Variants in MFSD2A observed in about 807,000 individuals in gnomAD.
MFSD2A encodes the protein sodium-dependent lysophosphatidylcholine symporter 1.
In MFSD2A, 27 loss-of-function variants were observed where a neutral mutation model predicts 64.7. The ratio of observed to expected loss-of-function variants is 0.42; its 90% CI spans 0.31 to 0.58. The LOEUF is 0.58. MFSD2A is among the 20% of genes least tolerant of loss of function. The probability of loss-of-function intolerance (pLI) is 0.18; values close to 1 mark genes in which losing one functional copy is unlikely to be tolerated. For synonymous variants in MFSD2A, 258 were observed against 273.4 expected, an observed-to-expected ratio of 0.94 and a Z score of 0.55; for missense variants, 474 against 679.5, an observed-to-expected ratio of 0.70 and a Z score of 3.36.
Position 39,965,632 on chromosome 1 carries a change from C to A in MFSD2A, c.556+83C>A. ...TCCCTTGCGGGTCCAGCTCTTTGCT[C>A]TGCTCTAGAGTGTGGGTGTGAAACC... On this transcript the variant is annotated intron_variant, in intron 5 of 13. Transcript: ENST00000372811. The surrounding 1 kb of genome is among the most constrained non-coding windows in gnomAD (Gnocchi z 5.5). The A allele has an allele frequency of 6.9e-7, 1 of 1,441,950 alleles. No individual in the cohort carries two copies. Among genetic ancestry groups the A allele is most frequent in the South Asian group, 1.2e-5 (1 of 86,598 alleles). The allele number at this position is 1,441,950 out of a possible 1,614,324, so 89.3% of individuals were successfully genotyped here. A position where few individuals can be genotyped will look rare whatever the true frequency, so the allele number is the denominator to read the frequency against.
At position 39,965,541 on chromosome 1, in the gene MFSD2A, C is replaced by A; in HGVS notation, c.548C>A (p.Thr183Asn). Residue 183 changes from threonine to asparagine, a missense_variant, in exon 5 of 14, where the codon ACC becomes AAC. Coordinates refer to ENST00000372811, the MANE Select transcript of MFSD2A (RefSeq NM_032793.5). The surrounding 1 kb of genome is among the most constrained non-coding windows in gnomAD (Gnocchi z 5.5). ...STEQTERDSA[T>N]AYRMTVEVLG... ...GAGCAGACTGAGCGGGATTCTGCCACCGCCTATCGTGAGTCTCCCCAGCCC... is the reference window on the plus strand; with the variant it reads ...GAGCAGACTGAGCGGGATTCTGCCAACGCCTATCGTGAGTCTCCCCAGCCC... 1 of 1,614,144 alleles carries A rather than the reference C, an allele frequency of 6.2e-7. No homozygotes were observed.
chr1:39,967,755 C>G (rs1196707481), intron 10 of MFSD2A, 44 bp downstream of exon 10: 1 of 1,606,834 alleles, frequency 6.2e-7, no homozygotes, highest in East Asian at 2.2e-5. Context: ...GTTGGGATGT[C>G]TGGTGGGAAC....
Position 39,955,478 on chromosome 1 carries a change from C to T in MFSD2A, c.93+93C>T, listed in dbSNP as rs1459771272. ...TCCCGGGGTCGGCCTGGTCAGGGGA[C>T]CATTGGGATAGCCAGGGACAGGAAG... On this transcript the variant is annotated intron_variant, in intron 1 of 13. Coordinates refer to ENST00000372811, the MANE Select transcript of MFSD2A (RefSeq NM_032793.5). This position sits in a 1 kb window ranked among gnomAD's most constrained non-coding sequence, Gnocchi z 5.9. 1 of 1,289,886 alleles carries T rather than the reference C, an allele frequency of 7.8e-7. No homozygotes were observed. Among genetic ancestry groups the T allele is most frequent in the Non-Finnish European group, 1.1e-6 (1 of 919,174 alleles). 79.9% of individuals were successfully genotyped at this position (1,289,886 alleles called of 1,614,324 possible).
In MFSD2A at chr1:39,965,067, T is replaced by TG; in HGVS notation, c.354-141dup. On this transcript the variant is annotated intron_variant, in intron 3 of 13. Coordinates refer to ENST00000372811, the MANE Select transcript of MFSD2A (RefSeq NM_032793.5). The surrounding 1 kb of genome is among the most constrained non-coding windows in gnomAD (Gnocchi z 5.5). ...TCAGCCTCTTCCCAGAGGCCCAGGA[T>TG]GGGTGGATTTGGCAGGAGTATGGGG... The TG allele has an allele frequency of 8.8e-7, 1 of 1,141,216 alleles. No individual in the cohort carries two copies. The highest frequency in any genetic ancestry group is 1.5e-5 in the South Asian group (1 of 65,444). The allele number at this position is 1,141,216 out of a possible 1,614,324, so 70.7% of individuals were successfully genotyped here.
chr1:39,968,096 G>C lies in MFSD2A; in HGVS notation c.1208+180G>C. On this transcript the variant is annotated intron_variant, in intron 11 of 13. Coordinates refer to ENST00000372811, the MANE Select transcript of MFSD2A (RefSeq NM_032793.5). This position sits in a 1 kb window ranked among gnomAD's most constrained non-coding sequence, Gnocchi z 4.4. ...GTAGTGAGCTTTGCAAGAACACCTA[G>C]TCAGAGTGAAAAATGGGGGCTGTAA... 1 of 646,540 alleles carries C rather than the reference G, an allele frequency of 1.5e-6. No homozygotes were observed. The highest frequency in any genetic ancestry group is 2.7e-5 in the East Asian group (1 of 36,718). The allele number at this position is 646,540 out of a possible 1,614,324, so 40.1% of individuals were successfully genotyped here. A position where few individuals can be genotyped will look rare whatever the true frequency, so the allele number is the denominator to read the frequency against.
intron 3 of MFSD2A, among the ~76,000 whole-genome samples, chr1:39,959,664 TCA>T (rs1644993845): frequency 1.3e-5 from 2 of 148,186 alleles, no homozygotes; most frequent in African/African-American, 2.5e-5. Context: ...TATCTCACAC[TCA>T]CAGAGTTGTG....
chr1:39,961,754 C>G (rs1033970366), intron 3 of MFSD2A, among the ~76,000 whole-genome samples: 1 of 151,134 alleles, frequency 6.6e-6, no homozygotes, highest in Non-Finnish European at 1.5e-5. Flanking sequence ...TCAAGCAATA[C>G]TCCTGCCTCG....
Position 39,955,217 on chromosome 1 carries a change from G to A in MFSD2A, c.-76G>A, listed in dbSNP as rs1644898061. ...CGTGGCTAAGGCTGCTACGAAGCGA[G>A]CTTGGGAGGAGCAGCGGCCTGCGGG... is the stretch of plus-strand genomic sequence containing the variant. On this transcript the variant is annotated 5_prime_UTR_variant, in exon 1 of 14. Transcript: ENST00000372811. This position sits in a 1 kb window ranked among gnomAD's most constrained non-coding sequence, Gnocchi z 5.9. 1.6e-6 allele frequency: 2 copies of A among 1,251,106 alleles called. No individual in the cohort carries two copies. The highest frequency in any genetic ancestry group is 7.7e-5 in the Admixed American group (2 of 26,088). 77.5% of individuals were successfully genotyped at this position (1,251,106 alleles called of 1,614,324 possible).
chr1:39,968,202 C>A lies in MFSD2A; in HGVS notation c.1209-132C>A. ...TTAGAGCAAGAGGCCTTTTCTTATT[C>A]ATGTGAAGGTCCCATATCCTCACTG... On this transcript the variant is annotated intron_variant, in intron 11 of 13. Transcript: ENST00000372811. The surrounding 1 kb of genome is among the most constrained non-coding windows in gnomAD (Gnocchi z 4.4). 9.3e-7 allele frequency: 1 copy of A among 1,076,672 alleles called. No homozygotes were observed. The highest frequency in any genetic ancestry group is 1.3e-6 in the Non-Finnish European group (1 of 745,898). The allele number at this position is 1,076,672 out of a possible 1,614,324, so 66.7% of individuals were successfully genotyped here. A position where few individuals can be genotyped will look rare whatever the true frequency, so the allele number is the denominator to read the frequency against.
Position 39,968,240 on chromosome 1 carries a change from A to G in MFSD2A, c.1209-94A>G, listed in dbSNP as rs2124781593. Reference sequence around the variant, plus strand: ...CATATCCTCACTGAGCTGTGTACCCATGGTACTGCAAGCTTCCAGAGGGCC... The same window carrying G: ...CATATCCTCACTGAGCTGTGTACCCGTGGTACTGCAAGCTTCCAGAGGGCC... On this transcript the variant is annotated intron_variant, in intron 11 of 13. Transcript: ENST00000372811. The surrounding 1 kb of genome is among the most constrained non-coding windows in gnomAD (Gnocchi z 4.4). 1.4e-6 allele frequency: 2 copies of G among 1,477,504 alleles called. No homozygotes were observed. The highest frequency in any genetic ancestry group is 1.2e-5 in the South Asian group (1 of 86,330). 91.5% of individuals were successfully genotyped at this position (1,477,504 alleles called of 1,614,324 possible). A position where few individuals can be genotyped will look rare whatever the true frequency, so the allele number is the denominator to read the frequency against.
Sources: allele counts gnomAD v4.1 joint callset (sites outside exome capture counted in the v4.1 genomes callset), GRCh38; gene constraint gnomAD v4.1.1; non-coding constraint Gnocchi (gnomAD v3.1); transcripts MANE v1.5; gene names NCBI Gene and HGNC (gene_info 2026-07-23, HGNC 2026-07-21).